The following CNTNAP2 variants were observed in gnomAD, a reference collection of about 807,000 sequenced individuals.
CNTNAP2 encodes the protein contactin-associated protein-like 2.
A neutral mutation model predicts 155.2 loss-of-function variants in CNTNAP2; 98 were observed. The observed-to-expected ratio is 0.63, with a 90% CI of 0.54 to 0.75. The LOEUF (loss-of-function observed/expected upper bound fraction) is 0.75. Ranked by LOEUF, CNTNAP2 falls within the 30% of genes least tolerant of loss-of-function variation. CNTNAP2 has a pLI of 0.00. For missense variants in CNTNAP2, 1,727 were observed against 1,688.1 expected (o/e 1.02, Z -0.40); for synonymous variants, 651 against 631.2 (o/e 1.03, Z -0.47).
At chr7:147,849,016 T>C (rs1274732744) in intron 13 of CNTNAP2, among the ~76,000 whole-genome samples, 2 of 152,184 alleles carry the variant, frequency 1.3e-5, no homozygotes, top group Non-Finnish European at 2.9e-5. Context: ...CTCTGAAAAG[T>C]ATATTAAATC....
chr7:147,609,253 C>T (rs765812011), intron 12 of CNTNAP2, among the ~76,000 whole-genome samples: 40 of 152,086 alleles, frequency 2.6e-4, no homozygotes, highest in Non-Finnish European at 4.1e-4. Flanking sequence ...GGTGGTGGGC[C>T]GGGCGCGGTG....
Position 146,966,684 on chromosome 7 carries a change from C to A in CNTNAP2, c.403-77223C>A, listed in dbSNP as rs77514382. Among the ~76,000 whole-genome samples the A allele has an allele frequency of 8.6e-3, 1,305 of 152,278 alleles. 17 individuals are homozygous for A. The highest frequency in any genetic ancestry group is 0.03 in the African/African-American group (1,256 of 41,552). ...GATGGGGAATGACGAACACAAGCAT[C>A]CAATTCACAATGCAAATGTACTCAG... is the stretch of plus-strand genomic sequence containing the variant. On this transcript the variant is annotated intron_variant, in intron 3 of 23. Transcript: ENST00000361727.
intron 20 of CNTNAP2, among the ~76,000 whole-genome samples, chr7:148,240,577 A>C (rs1796127411): frequency 6.6e-6 from 1 of 152,198 alleles, no homozygotes; most frequent in Admixed American, 6.5e-5. Context: ...CTTTATTGAT[A>C]GGCTACCTTA....
At chr7:146,141,532 A>C (rs868341019) in intron 1 of CNTNAP2, among the ~76,000 whole-genome samples, 30 of 152,124 alleles carry the variant, frequency 2.0e-4, no homozygotes, top group African/African-American at 7.0e-4. Context: ...TTTGTATATA[A>C]GTGTTCTATA....
chr7:146,119,371 C>T (rs1354475269), intron 1 of CNTNAP2, among the ~76,000 whole-genome samples: 3 of 151,968 alleles, frequency 2.0e-5, no homozygotes, highest in African/African-American at 7.2e-5. Flanking sequence ...TTTTCTCTGT[C>T]GACAGACATA....
intron 14 of CNTNAP2, among the ~76,000 whole-genome samples, chr7:147,905,128 C>T (rs1388955256): frequency 6.6e-6 from 1 of 152,210 alleles, no homozygotes; most frequent in East Asian, 1.9e-4. Context: ...GAACAAGAAT[C>T]CCTGTCCTGA....
In CNTNAP2 at chr7:146,941,395, T is replaced by C. The variant is rs79680589; in HGVS notation, c.402+101491T>C. On this transcript the variant is annotated intron_variant, in intron 3 of 23. Transcript: ENST00000361727. ...CTACACTTTAACTCTACTTCCCCTC[T>C]ACATTTCAATTTTGGATGTCACAAC... is the stretch of plus-strand genomic sequence containing the variant. 2.4e-3 allele frequency among the ~76,000 whole-genome samples: 370 copies of C among 152,310 alleles called. 1 individual carries two copies. The highest frequency in any genetic ancestry group is 5.6e-3 in the Admixed American group (86 of 15,294).
At chr7:146,503,106 A>G (rs1797331258) in intron 1 of CNTNAP2, among the ~76,000 whole-genome samples, 1 of 152,140 alleles carries the variant, frequency 6.6e-6, no homozygotes, top group Admixed American at 6.5e-5. Flanking sequence ...TGTCAGATGG[A>G]TATTTGCAAA....
intron 8 of CNTNAP2, among the ~76,000 whole-genome samples, chr7:147,216,083 A>G (rs959804458): frequency 6.6e-6 from 1 of 150,900 alleles, no homozygotes; most frequent in Non-Finnish European, 1.5e-5. Context: ...TTTGAAAAAC[A>G]GTAGTTTATC....
intron 5 of CNTNAP2, among the ~76,000 whole-genome samples, chr7:147,117,113 C>T (rs1468863896): frequency 6.6e-6 from 1 of 152,164 alleles, no homozygotes; most frequent in Non-Finnish European, 1.5e-5. Context: ...TCCCTGGATT[C>T]TGCCCCCTTC....
intron 13 of CNTNAP2, among the ~76,000 whole-genome samples, chr7:147,773,356 A>G (rs1288124845): frequency 6.6e-6 from 1 of 152,096 alleles, no homozygotes; most frequent in African/African-American, 2.4e-5. Context: ...GTTAGTTATA[A>G]CTAGAGGTGG....
intron 23 of CNTNAP2, among the ~76,000 whole-genome samples, chr7:148,414,398 T>TCTACA (rs1411754176): frequency 6.7e-5 from 10 of 149,884 alleles, no homozygotes; most frequent in Admixed American, 6.6e-4. Context: ...GTGTTTCACC[T>TCTACA]CTACAAGTTC....
intron 1 of CNTNAP2, among the ~76,000 whole-genome samples, chr7:146,350,594 A>G (rs369882266): frequency 0.11 from 17,012 of 150,076 alleles, 1,857 homozygotes; most frequent in African/African-American, 0.28. Flanking sequence ...CTGTAAACTA[A>G]TTCAACCATT....
intron 1 of CNTNAP2, among the ~76,000 whole-genome samples, chr7:146,454,592 T>C (rs1333427173): frequency 6.6e-6 from 1 of 151,798 alleles, no homozygotes; most frequent in African/African-American, 2.4e-5. Flanking sequence ...TTATGAAGTA[T>C]TGTATAAATT....
In CNTNAP2 at chr7:148,408,921, T is replaced by C. The variant is rs143219734; in HGVS notation, c.3716-470T>C. ...ATTCCTAAAGTGTGCCAGTGTCTTA[T>C]TACAGCCATGAAAAATACAAGTTTA... On this transcript the variant is annotated intron_variant, in intron 22 of 23. Transcript: ENST00000361727. 5.3e-5 allele frequency among the ~76,000 whole-genome samples: 8 copies of C among 152,328 alleles called. No homozygotes were observed. In the East Asian group the frequency reaches 1.5e-3, roughly 29 times the overall value.
At chr7:148,072,992 G>GCCA (rs1491319313) in intron 15 of CNTNAP2, among the ~76,000 whole-genome samples, 1 of 152,150 alleles carries the variant, frequency 6.6e-6, no homozygotes, top group African/African-American at 2.4e-5. Flanking sequence ...ACAGGTGTGA[G>GCCA]CCACCGTGCC....
intron 13 of CNTNAP2, among the ~76,000 whole-genome samples, chr7:147,774,120 C>G: frequency 6.6e-6 from 1 of 152,130 alleles, no homozygotes; most frequent in East Asian, 1.9e-4. Context: ...GTTAATAATG[C>G]CCTTTTCTGC....
chr7:146,154,926 A>G (rs1427492972), intron 1 of CNTNAP2, among the ~76,000 whole-genome samples: 4 of 152,254 alleles, frequency 2.6e-5, no homozygotes, highest in Non-Finnish European at 4.4e-5. Flanking sequence ...TCACAAATCA[A>G]CGATATTGAA....
chr7:146,816,989 A>C (rs1803183436), intron 2 of CNTNAP2, among the ~76,000 whole-genome samples: 1 of 152,210 alleles, frequency 6.6e-6, no homozygotes. Flanking sequence ...GAGAAAAACA[A>C]ACTTGGAAAA....
Sources: allele counts gnomAD v4.1 joint callset (sites outside exome capture counted in the v4.1 genomes callset), GRCh38; gene constraint gnomAD v4.1.1; transcripts MANE v1.5; gene names NCBI Gene and HGNC (gene_info 2026-07-23, HGNC 2026-07-21).